Variants in TUSC3 observed in about 807,000 individuals in gnomAD.
TUSC3 encodes the protein dolichyl-diphosphooligosaccharide--protein glycosyltransferase subunit TUSC3.
A neutral mutation model predicts 44.8 loss-of-function variants in TUSC3; 45 were observed. The observed-to-expected ratio is 1.00, with a 90% CI of 0.79 to 1.29. TUSC3 has a LOEUF of 1.29. TUSC3 is among the 50% of genes most tolerant of loss of function. The probability of loss-of-function intolerance (pLI) is 0.00; values close to 1 mark genes in which losing one functional copy is unlikely to be tolerated. For missense variants in TUSC3, 519 were observed against 437.9 expected, an observed-to-expected ratio of 1.19 and a Z score of -1.65; for synonymous variants, 212 against 152.9, an observed-to-expected ratio of 1.39 and a Z score of -2.85.
chr8:15,813,283 A>T, the TUSC3 span, among the ~76,000 whole-genome samples: 1 of 152,118 alleles, frequency 6.6e-6, no homozygotes, highest in African/African-American at 2.4e-5. Context: ...AAGTTCTTCC[A>T]ATTGGAAGTC....
intron 2 of TUSC3, among the ~76,000 whole-genome samples, chr8:15,625,355 TAAAATG>T (rs1253196826): frequency 6.6e-6 from 1 of 152,226 alleles, no homozygotes; most frequent in Non-Finnish European, 1.5e-5. Flanking sequence ...ATTGTACTCA[TAAAATG>T]AGTTGGGGAA....
chr8:15,790,251 T>C, the TUSC3 span, among the ~76,000 whole-genome samples: 1 of 142,500 alleles, frequency 7.0e-6, no homozygotes, highest in Non-Finnish European at 1.5e-5. Context: ...AGTGGCGTGA[T>C]TTTGGCTCGC....
At chr8:15,708,312 A>G (rs1809705186) in intron 6 of TUSC3, among the ~76,000 whole-genome samples, 1 of 151,960 alleles carries the variant, frequency 6.6e-6, no homozygotes, top group African/African-American at 2.4e-5. Flanking sequence ...ATAGATTAGG[A>G]AAAACCTTGT....
chr8:15,697,493 G>C (rs972308907), intron 6 of TUSC3, among the ~76,000 whole-genome samples: 2 of 152,070 alleles, frequency 1.3e-5, no homozygotes, highest in African/African-American at 4.8e-5. Context: ...TCTTTGTGAG[G>C]GTGCCAAGTG....
chr8:15,568,598 A>G (rs1802757693), intron 1 of TUSC3, among the ~76,000 whole-genome samples: 1 of 151,362 alleles, frequency 6.6e-6, no homozygotes, highest in Non-Finnish European at 1.5e-5. Context: ...TTAAAAATAC[A>G]CAAATTCTTT....
At chr8:15,625,782 C>T (rs75611365) in intron 2 of TUSC3, among the ~76,000 whole-genome samples, 103 of 152,308 alleles carry the variant, frequency 6.8e-4, no homozygotes, top group African/African-American at 2.4e-3. Flanking sequence ...CATCTTATCA[C>T]AACCTAATAA....
intron 1 of TUSC3, among the ~76,000 whole-genome samples, chr8:15,452,897 T>G (rs1345734320): frequency 6.6e-6 from 1 of 152,204 alleles, no homozygotes; most frequent in Non-Finnish European, 1.5e-5. Flanking sequence ...ATACTTTTTT[T>G]TAATACATCT....
In TUSC3 at chr8:15,517,522, C is replaced by CA. The variant is rs71211049; in HGVS notation, n.189+34073dup. Among the ~76,000 whole-genome samples, 238 of 77,546 alleles carry CA rather than the reference C, an allele frequency of 3.1e-3. 53 individuals are homozygous for CA. The highest frequency in any genetic ancestry group is 0.017 in the African/African-American group (201 of 12,134). 50.9% of individuals were successfully genotyped at this position (77,546 alleles called of 152,430 possible). A position where few individuals can be genotyped will look rare whatever the true frequency, so the allele number is the denominator to read the frequency against. On this transcript the variant is annotated intron_variant and non_coding_transcript_variant, in intron 2 of 5. Coordinates refer to the TUSC3 transcript ENST00000503191. ...GAGCTTCCTAACATTTAGCGTGAGGCAAAAAAAAAAAAAAAAAAAAAAAAA... is the reference window on the plus strand; with the variant it reads ...GAGCTTCCTAACATTTAGCGTGAGGCAAAAAAAAAAAAAAAAAAAAAAAAAA...
chr8:15,843,812 G>C, the TUSC3 span, among the ~76,000 whole-genome samples: 3 of 151,990 alleles, frequency 2.0e-5, no homozygotes, highest in East Asian at 5.8e-4. Flanking sequence ...ATGAAACATA[G>C]CTTTGTCCTT....
At chr8:15,569,269 T>G (rs1802782511) in intron 1 of TUSC3, among the ~76,000 whole-genome samples, 1 of 152,180 alleles carries the variant, frequency 6.6e-6, no homozygotes, top group Non-Finnish European at 1.5e-5. Flanking sequence ...TGCACTGTTC[T>G]GCGTCTATAT....
chr8:15,428,508 T>C (rs879241886), intron 1 of TUSC3, among the ~76,000 whole-genome samples: 1 of 152,112 alleles, frequency 6.6e-6, no homozygotes, highest in Admixed American at 6.6e-5. Context: ...CTGGGTCAAA[T>C]GGTATTTCTA....
Position 15,447,915 on chromosome 8 carries a change from T to C in TUSC3, n.91+30610T>C, listed in dbSNP as rs559573052. ...AAAAATTAAAGGATATAAAGTTACA[T>C]TGTTCAACATGGTAGCTACATGTGG... is the stretch of plus-strand genomic sequence containing the variant. On this transcript the variant is annotated intron_variant and non_coding_transcript_variant, in intron 1 of 5. Coordinates refer to the TUSC3 transcript ENST00000503191. Among the ~76,000 whole-genome samples, 21 of 151,450 alleles carry C rather than the reference T, an allele frequency of 1.4e-4. 1 individual carries two copies. Among genetic ancestry groups the C allele is most frequent in the African/African-American group, 4.4e-4 (18 of 41,300 alleles).
chr8:15,628,819 C>G (rs578156111), intron 2 of TUSC3, among the ~76,000 whole-genome samples: 3 of 152,286 alleles, frequency 2.0e-5, no homozygotes, highest in African/African-American at 7.2e-5. Context: ...GTAGCAAGAA[C>G]CATGCTCCTT....
intron 1 of TUSC3, among the ~76,000 whole-genome samples, chr8:15,604,221 TA>T (rs1804424750): frequency 6.6e-6 from 1 of 151,656 alleles, no homozygotes; most frequent in Non-Finnish European, 1.5e-5. Flanking sequence ...TGTACCTGTT[TA>T]TGGGTGCGTC....
At chr8:15,664,287 C>G (rs949735991) in intron 5 of TUSC3, among the ~76,000 whole-genome samples, 1 of 151,518 alleles carries the variant, frequency 6.6e-6, no homozygotes, top group Non-Finnish European at 1.5e-5. Flanking sequence ...TAAATCTGGA[C>G]ATGTGTCTTA....
At position 15,765,881 on chromosome 8, in the gene TUSC3, A is replaced by G. The variant is rs1812311995; in HGVS notation, c.*1725A>G. The G allele has an allele frequency of 1.3e-5, 2 of 152,184 alleles. No individual in the cohort carries two copies. The highest frequency in any genetic ancestry group is 4.1e-4 in the South Asian group (2 of 4,826). 9.4% of individuals were successfully genotyped at this position (152,184 alleles called of 1,614,324 possible). On this transcript the variant is annotated 3_prime_UTR_variant, in exon 11 of 11. Transcript: ENST00000503731. ...CATAGAGACTCTCAGGTCAAATTTTACAAGTATTAAACATTTGTTAATTAT... is the reference window on the plus strand; with the variant it reads ...CATAGAGACTCTCAGGTCAAATTTTGCAAGTATTAAACATTTGTTAATTAT...
intron 2 of TUSC3, among the ~76,000 whole-genome samples, chr8:15,533,466 A>C (rs1801478098): frequency 1.3e-5 from 2 of 152,180 alleles, no homozygotes; most frequent in African/African-American, 4.8e-5. Flanking sequence ...ATAGACTATC[A>C]ATTTATATTG....
chr8:15,627,204 A>C (rs929188533), intron 2 of TUSC3, among the ~76,000 whole-genome samples: 1 of 152,138 alleles, frequency 6.6e-6, no homozygotes, highest in Non-Finnish European at 1.5e-5. Context: ...CTGAGGAGAC[A>C]ATGGTAGGAC....
At chr8:15,447,922 A>T (rs548498327) in intron 1 of TUSC3, among the ~76,000 whole-genome samples, 1 of 151,526 alleles carries the variant, frequency 6.6e-6, no homozygotes, top group African/African-American at 2.4e-5. Context: ...ACATTGTTCA[A>T]CATGGTAGCT....
Sources: allele counts gnomAD v4.1 joint callset (sites outside exome capture counted in the v4.1 genomes callset), GRCh38; gene constraint gnomAD v4.1.1; transcripts MANE v1.5; gene names NCBI Gene and HGNC (gene_info 2026-07-23, HGNC 2026-07-21).